Variants in TRIM2 observed in about 807,000 individuals in gnomAD.
TRIM2 encodes the protein tripartite motif containing 2.
In TRIM2, 20 loss-of-function variants were observed where a neutral mutation model predicts 75.2. The ratio of observed to expected loss-of-function variants is 0.27; its 90% CI spans 0.19 to 0.39. The LOEUF is 0.39. Ranked by LOEUF, TRIM2 falls within the 10% of genes least tolerant of loss-of-function variation. The pLI is 1.00. For missense variants in TRIM2, 660 were observed against 990.8 expected (o/e 0.67, Z 4.48); for synonymous variants, 373 against 388.3 (o/e 0.96, Z 0.46).
At chr4:153,256,146 A>G (rs1752023449) in intron 1 of TRIM2, among the ~76,000 whole-genome samples, 1 of 152,254 alleles carries the variant, frequency 6.6e-6, no homozygotes, top group Non-Finnish European at 1.5e-5. Flanking sequence ...CTTTAAAAAA[A>G]TCCACAAAAC....
rs569608058 is a variant in TRIM2, at chr4:153,268,826, C to A, written c.31-1509C>A. Among the ~76,000 whole-genome samples the A allele has an allele frequency of 3.2e-4, 49 of 152,322 alleles. 1 individual carries two copies. Among genetic ancestry groups the A allele is most frequent in the South Asian group, 3.1e-3 (15 of 4,824 alleles). On this transcript the variant is annotated intron_variant, in intron 1 of 11. Transcript: ENST00000338700. ...TGGCATGATCCCTAACATTTTGAAACCTTCTCTGAATTAATTCACTTCACC... is the reference window on the plus strand; with the variant it reads ...TGGCATGATCCCTAACATTTTGAAAACTTCTCTGAATTAATTCACTTCACC...
intron 1 of TRIM2, among the ~76,000 whole-genome samples, chr4:153,158,200 T>C (rs12642091): frequency 0.45 from 67,831 of 151,990 alleles, 16,228 homozygotes; most frequent in Non-Finnish European, 0.55. Flanking sequence ...TTGAACCTTG[T>C]TGTGGTGGTA....
chr4:153,198,265 G>T (rs1251285437), intron 1 of TRIM2, among the ~76,000 whole-genome samples: 1 of 152,170 alleles, frequency 6.6e-6, no homozygotes, highest in South Asian at 2.1e-4. Flanking sequence ...AACTTGAATT[G>T]TATCTCCCAG....
intron 1 of TRIM2, among the ~76,000 whole-genome samples, chr4:153,256,355 T>A (rs1189970057): frequency 6.6e-6 from 1 of 152,212 alleles, no homozygotes; most frequent in Non-Finnish European, 1.5e-5. Flanking sequence ...CTGTAATGCT[T>A]GACTGCGTGG....
intron 11 of TRIM2, among the ~76,000 whole-genome samples, chr4:153,331,287 C>T (rs181375360): frequency 2.0e-5 from 3 of 152,176 alleles, no homozygotes; most frequent in Non-Finnish European, 1.5e-5. Flanking sequence ...TGTGCTACTG[C>T]ACTCCAGCCT....
chr4:153,218,159 A>G (rs1052243667), intron 1 of TRIM2, among the ~76,000 whole-genome samples: 7 of 152,224 alleles, frequency 4.6e-5, no homozygotes, highest in African/African-American at 1.7e-4. Context: ...AATTGTAAAT[A>G]TTTATTAAGC....
At chr4:153,305,691 CT>C (rs1764822974) in intron 6 of TRIM2, among the ~76,000 whole-genome samples, 1 of 152,216 alleles carries the variant, frequency 6.6e-6, no homozygotes, top group East Asian at 1.9e-4. Context: ...ACAACTCATT[CT>C]TGTGAGAACT....
At chr4:153,247,408 A>G (rs1158075344) in intron 1 of TRIM2, among the ~76,000 whole-genome samples, 1 of 152,070 alleles carries the variant, frequency 6.6e-6, no homozygotes, top group African/African-American at 2.4e-5. Context: ...AGGCGCGGTC[A>G]CTCACGCCTG....
Position 153,280,271 on chromosome 4 carries a change from G to A in TRIM2, c.453+4141G>A, listed in dbSNP as rs187003927. ...AGGTCTCCCATTTCATTTGTGATAC[G>A]CTTATAACCCTGATACCAAAACCTA... On this transcript the variant is annotated intron_variant, in intron 3 of 11. Coordinates refer to ENST00000338700, the MANE Select transcript of TRIM2 (RefSeq NM_015271.5). Among the ~76,000 whole-genome samples, 235 of 151,722 alleles carry A rather than the reference G, an allele frequency of 1.5e-3. 1 individual carries two copies. The highest frequency in any genetic ancestry group is 5.7e-3 in the Admixed American group (87 of 15,216).
At chr4:153,214,428 A>G (rs1432658730) in intron 1 of TRIM2, among the ~76,000 whole-genome samples, 4 of 152,212 alleles carry the variant, frequency 2.6e-5, no homozygotes, top group African/African-American at 9.6e-5. Flanking sequence ...AAGAGGAACT[A>G]TCTAATATGC....
chr4:153,196,834 G>A (rs2149671217), intron 1 of TRIM2, among the ~76,000 whole-genome samples: 1 of 152,316 alleles, frequency 6.6e-6, no homozygotes, highest in South Asian at 2.1e-4. Flanking sequence ...AACCTCAGTG[G>A]TGTTAAAACT....
chr4:153,218,890 T>G (rs1739215776), intron 1 of TRIM2, among the ~76,000 whole-genome samples: 1 of 152,174 alleles, frequency 6.6e-6, no homozygotes, highest in African/African-American at 2.4e-5. Context: ...AAAAAAAAGG[T>G]GATTACTTCT....
At chr4:153,158,130 G>C (rs1193131987) in intron 1 of TRIM2, among the ~76,000 whole-genome samples, 1 of 152,178 alleles carries the variant, frequency 6.6e-6, no homozygotes, top group Non-Finnish European at 1.5e-5. Flanking sequence ...CTACTTAACG[G>C]AAGATCTACT....
At chr4:153,188,609 G>A (rs555662374) in intron 1 of TRIM2, among the ~76,000 whole-genome samples, 234 of 152,246 alleles carry the variant, frequency 1.5e-3, no homozygotes, top group African/African-American at 5.3e-3. Flanking sequence ...CTCTTTTGCA[G>A]TTAGAATGGT....
chr4:153,162,855 C>A (rs181571427), intron 1 of TRIM2, among the ~76,000 whole-genome samples: 153 of 152,288 alleles, frequency 1.0e-3, no homozygotes, highest in African/African-American at 3.3e-3. Context: ...GAGGGGAATT[C>A]TCATGTGGCC....
chr4:153,258,622 T>G (rs1752661761), intron 1 of TRIM2, among the ~76,000 whole-genome samples: 1 of 152,220 alleles, frequency 6.6e-6, no homozygotes, highest in Admixed American at 6.5e-5. Flanking sequence ...ATGGTATTAT[T>G]GTCTTAAGGA....
chr4:153,205,607 T>A (rs1735191531), intron 1 of TRIM2, among the ~76,000 whole-genome samples: 1 of 152,156 alleles, frequency 6.6e-6, no homozygotes, highest in Non-Finnish European at 1.5e-5. Context: ...TTGTGTTTGT[T>A]ATCGACAGGA....
intron 6 of TRIM2, among the ~76,000 whole-genome samples, chr4:153,304,060 G>C (rs1764484144): frequency 6.6e-6 from 1 of 152,128 alleles, no homozygotes; most frequent in Non-Finnish European, 1.5e-5. Context: ...GGGGGAGAAG[G>C]CTGGCATGTG....
At chr4:153,322,613 T>C (rs1205999589) in intron 8 of TRIM2, 35 bp from the exon 9 acceptor site, 1 of 1,607,426 alleles carries the variant, frequency 6.2e-7, no homozygotes, top group African/African-American at 1.3e-5. Flanking sequence ...TTTGACTCTA[T>C]ACTGTACTTC....
Sources: gnomAD v4.1 joint callset for allele counts (sites outside exome capture counted in the v4.1 genomes callset) on GRCh38, gnomAD v4.1.1 for gene constraint, MANE v1.5 for transcripts, NCBI Gene and HGNC (gene_info 2026-07-23, HGNC 2026-07-21) for gene names.